Variants in ACOXL observed in about 807,000 individuals in gnomAD.
ACOXL encodes the protein acyl-coenzyme A oxidase-like protein.
Under a neutral mutation model 71.9 loss-of-function variants are expected in ACOXL, and 70 were observed. The observed-to-expected ratio is 0.97, with a 90% confidence interval of 0.80 to 1.19. The LOEUF (loss-of-function observed/expected upper bound fraction) is 1.19. Among genes scored for constraint, ACOXL ranks in the 50% most tolerant of loss-of-function variants. The pLI is 0.00. For missense variants in ACOXL, 703 were observed against 736.3 expected, an observed-to-expected ratio of 0.95 and a Z score of 0.52; for synonymous variants, 253 against 281.6, an observed-to-expected ratio of 0.90 and a Z score of 1.02.
At chr2:110,913,835 T>C (rs1401732544) in intron 11 of ACOXL, among the ~76,000 whole-genome samples, 1 of 152,056 alleles carries the variant, frequency 6.6e-6, no homozygotes, top group African/African-American at 2.4e-5. Flanking sequence ...GTAGGATAGG[T>C]ACCACACACT....
chr2:111,027,556 G>A (rs542431063), intron 14 of ACOXL, among the ~76,000 whole-genome samples: 3 of 151,962 alleles, frequency 2.0e-5, no homozygotes, highest in East Asian at 2.0e-4. Context: ...TCCTGACCTC[G>A]TGATCTGCCC....
Position 110,939,079 on chromosome 2 carries a change from A to G in ACOXL, c.1059+5437A>G, listed in dbSNP as rs75406437. ...AAATTATTGTAAAATTTACCAAGAT[A>G]TGGGTGCATCTTGCACCTAATTTTT... On this transcript the variant is annotated intron_variant, in intron 12 of 17. Transcript: ENST00000439055. Among the ~76,000 whole-genome samples the G allele has an allele frequency of 9.7e-3, 1,477 of 152,330 alleles. 13 individuals carry two copies. The highest frequency in any genetic ancestry group is 0.051 in the Middle Eastern group (15 of 294).
At chr2:110,922,556 T>C (rs550386360) in intron 11 of ACOXL, among the ~76,000 whole-genome samples, 5 of 152,242 alleles carry the variant, frequency 3.3e-5, no homozygotes, top group Non-Finnish European at 7.3e-5. Flanking sequence ...TAAATATATA[T>C]CTGTTTGTCA....
chr2:110,781,120 G>T (rs1683266418), intron 2 of ACOXL, among the ~76,000 whole-genome samples: 1 of 152,212 alleles, frequency 6.6e-6, no homozygotes, highest in Non-Finnish European at 1.5e-5. Flanking sequence ...TGGGGGAAGG[G>T]AATGCCCTGT....
intron 11 of ACOXL, among the ~76,000 whole-genome samples, chr2:110,926,265 C>T (rs145902270): frequency 1.3e-5 from 2 of 152,346 alleles, no homozygotes; most frequent in Admixed American, 6.5e-5. Flanking sequence ...GATAGAATTG[C>T]TCAATGCAAG....
intron 16 of ACOXL, among the ~76,000 whole-genome samples, chr2:111,077,024 T>G (rs1400969805): frequency 1.3e-5 from 2 of 152,190 alleles, no homozygotes; most frequent in Non-Finnish European, 2.9e-5. Flanking sequence ...CTCTCCATTT[T>G]AAGAATCTTA....
intron 12 of ACOXL, among the ~76,000 whole-genome samples, chr2:110,934,898 TAGGGTGCAGCTGGCCA>T (rs1342169572): frequency 6.6e-6 from 1 of 152,102 alleles, no homozygotes; most frequent in Non-Finnish European, 1.5e-5. Flanking sequence ...ATAGCTGGCC[TAGGGTGCAGCTGGCCA>T]GGAGCTGAGG....
At chr2:110,860,387 A>G (rs922796266) in intron 10 of ACOXL, among the ~76,000 whole-genome samples, 4 of 152,210 alleles carry the variant, frequency 2.6e-5, no homozygotes, top group African/African-American at 9.6e-5. Context: ...CTGGGATTAC[A>G]GGATTACAGG....
intron 10 of ACOXL, among the ~76,000 whole-genome samples, chr2:110,844,478 A>G (rs939758158): frequency 6.6e-6 from 1 of 151,870 alleles, no homozygotes. Context: ...CCTCGGCCAC[A>G]GGAGGACCTG....
intron 10 of ACOXL, among the ~76,000 whole-genome samples, chr2:110,864,183 G>C (rs1241265270): frequency 6.6e-6 from 1 of 152,192 alleles, no homozygotes; most frequent in Non-Finnish European, 1.5e-5. Context: ...CACTCACTGT[G>C]TTGGTGACTT....
At chr2:110,859,108 T>C (rs755948849) in intron 10 of ACOXL, among the ~76,000 whole-genome samples, 1 of 152,274 alleles carries the variant, frequency 6.6e-6, no homozygotes, top group Non-Finnish European at 1.5e-5. Flanking sequence ...TTTATCTGCC[T>C]GGGCTTTGTA....
chr2:110,950,810 GGAGAGAGA>G (rs71383892), intron 12 of ACOXL, among the ~76,000 whole-genome samples: 14 of 142,890 alleles, frequency 9.8e-5, no homozygotes, highest in Admixed American at 4.5e-4. Context: ...GGTGGGGGGT[GGAGAGAGA>G]GAGAGAGAGA....
At chr2:110,959,804 G>A (rs993968293) in intron 12 of ACOXL, among the ~76,000 whole-genome samples, 10 of 152,154 alleles carry the variant, frequency 6.6e-5, no homozygotes, top group Admixed American at 2.0e-4. Context: ...TTCTTTCAGC[G>A]ATGACTGCAT....
At chr2:110,821,979 G>A (rs1210736192) in intron 9 of ACOXL, among the ~76,000 whole-genome samples, 5 of 151,926 alleles carry the variant, frequency 3.3e-5, no homozygotes, top group Non-Finnish European at 4.4e-5. Flanking sequence ...GTGTGTGCGT[G>A]CGTGTGTGTA....
chr2:110,880,993 G>A (rs753715525), intron 10 of ACOXL, among the ~76,000 whole-genome samples: 28 of 152,086 alleles, frequency 1.8e-4, no homozygotes, highest in African/African-American at 5.5e-4. Flanking sequence ...AAATATCTCC[G>A]AATTTTTCTT....
intron 9 of ACOXL, among the ~76,000 whole-genome samples, chr2:110,811,682 T>C (rs967411748): frequency 3.3e-5 from 5 of 150,290 alleles, no homozygotes; most frequent in African/African-American, 1.2e-4. Flanking sequence ...GTCACATTGC[T>C]CATCCTGTTC....
At chr2:110,977,971 CCTT>C (rs2062532293) in intron 12 of ACOXL, among the ~76,000 whole-genome samples, 1 of 152,144 alleles carries the variant, frequency 6.6e-6, no homozygotes, top group Admixed American at 6.5e-5. Flanking sequence ...CCAGAGAACA[CCTT>C]CTTGATGACC....
intron 1 of ACOXL, among the ~76,000 whole-genome samples, chr2:110,750,612 A>G (rs1336582947): frequency 1.3e-5 from 2 of 148,806 alleles, no homozygotes; most frequent in African/African-American, 4.9e-5. Context: ...CATATTATAT[A>G]TAAACATATA....
chr2:110,901,574 T>C (rs1175108328), intron 10 of ACOXL, among the ~76,000 whole-genome samples: 1 of 152,122 alleles, frequency 6.6e-6, no homozygotes, highest in Non-Finnish European at 1.5e-5. Flanking sequence ...TTGAGAACTC[T>C]TTCCTGGGGC....
Sources: gnomAD v4.1 joint callset for allele counts (sites outside exome capture counted in the v4.1 genomes callset) on GRCh38, gnomAD v4.1.1 for gene constraint, MANE v1.5 for transcripts, NCBI Gene and HGNC (gene_info 2026-07-23, HGNC 2026-07-21) for gene names.